FGF12: variants seen among roughly 807,000 people sequenced by gnomAD.
The protein encoded by FGF12 is fibroblast growth factor 12, also known as fibroblast growth factor 12B.
In FGF12, 14 loss-of-function variants were observed where a neutral mutation model predicts 23.6. The ratio of observed to expected loss-of-function variants is 0.59; its 90% CI spans 0.39 to 0.93. The LOEUF (loss-of-function observed/expected upper bound fraction) is 0.93, where lower values mean the gene tolerates loss of function less well. Ranked by LOEUF, FGF12 falls within the 40% of genes least tolerant of loss-of-function variation. The probability of loss-of-function intolerance (pLI) is 0.00; values close to 1 mark genes in which losing one functional copy is unlikely to be tolerated. For missense variants in FGF12, 175 were observed against 217.8 expected, an observed-to-expected ratio of 0.80 and a Z score of 1.24; for synonymous variants, 62 against 77.3, an observed-to-expected ratio of 0.80 and a Z score of 1.04.
chr3:192,348,070 C>T (rs980161471), intron 3 of FGF12, among the ~76,000 whole-genome samples: 1 of 152,038 alleles, frequency 6.6e-6, no homozygotes, highest in Non-Finnish European at 1.5e-5. Flanking sequence ...GGAAATGATC[C>T]CTGGTATATA....
chr3:192,603,482 C>G (rs1577074763), intron 2 of FGF12, among the ~76,000 whole-genome samples: 1 of 151,932 alleles, frequency 6.6e-6, no homozygotes, highest in Admixed American at 6.6e-5. Flanking sequence ...ATTGGGGGAA[C>G]CTGCCCCCAA....
intron 4 of FGF12, among the ~76,000 whole-genome samples, chr3:192,206,294 A>T (rs1717645655): frequency 6.6e-6 from 1 of 152,228 alleles, no homozygotes; most frequent in Non-Finnish European, 1.5e-5. Context: ...AAAGGATCAT[A>T]GATCATAGCT....
chr3:192,538,970 T>G (rs1314074120), intron 2 of FGF12, among the ~76,000 whole-genome samples: 1 of 152,254 alleles, frequency 6.6e-6, no homozygotes, highest in Non-Finnish European at 1.5e-5. Flanking sequence ...GAAATGTTAC[T>G]GATTTATGTA....
intron 2 of FGF12, among the ~76,000 whole-genome samples, chr3:192,439,530 T>G (rs1158215891): frequency 1.3e-5 from 2 of 152,226 alleles, no homozygotes; most frequent in Non-Finnish European, 2.9e-5. Flanking sequence ...GCTGAGCATT[T>G]CACTGGCTTG....
chr3:192,148,074 C>T (rs894447683), intron 5 of FGF12, among the ~76,000 whole-genome samples: 3 of 152,080 alleles, frequency 2.0e-5, no homozygotes, highest in Admixed American at 6.6e-5. Context: ...AAATTAAATA[C>T]GGATGTACCA....
intron 4 of FGF12, among the ~76,000 whole-genome samples, chr3:192,262,904 GGAGA>G (rs1409604899): frequency 6.6e-6 from 1 of 151,664 alleles, no homozygotes; most frequent in Non-Finnish European, 1.5e-5. Context: ...CTGCAGAAAG[GGAGA>G]GAGAAAGAAA....
intron 5 of FGF12, among the ~76,000 whole-genome samples, chr3:192,160,330 C>T (rs1245787716): frequency 6.6e-6 from 1 of 152,082 alleles, no homozygotes; most frequent in Non-Finnish European, 1.5e-5. Context: ...TCCTACCTTC[C>T]ATTCCTTTAA....
At chr3:192,322,549 G>A (rs1440690733) in intron 4 of FGF12, among the ~76,000 whole-genome samples, 6 of 150,922 alleles carry the variant, frequency 4.0e-5, no homozygotes, top group African/African-American at 1.5e-4. Context: ...GCTATCCTGG[G>A]CAAAAAAATT....
At position 192,141,127 on chromosome 3, in the gene FGF12, C is replaced by CAAAAAAAAAAAAAA. The variant is rs1396299359; in HGVS notation, c.*2881_*2882insTTTTTTTTTTTTTT. The CAAAAAAAAAAAAAA allele has an allele frequency of 8.5e-3, 186 of 21,844 alleles. 24 individuals are homozygous for CAAAAAAAAAAAAAA. The highest frequency in any genetic ancestry group is 9.5e-3 in the South Asian group (6 of 630). The allele number at this position is 21,844 out of a possible 1,614,324, so 1.4% of individuals were successfully genotyped here. On this transcript the variant is annotated 3_prime_UTR_variant, in exon 6 of 6. Coordinates refer to ENST00000445105, the MANE Select transcript of FGF12 (RefSeq NM_004113.6). ...TCCTGGGAAAAATCCCAATGCAACT[C>CAAAAAAAAAAAAAA]CAAAAAAAAAAAAAAAAAAAAAAAA... is the stretch of plus-strand genomic sequence containing the variant.
chr3:192,722,578 T>G (rs1719073044), intron 2 of FGF12, among the ~76,000 whole-genome samples: 1 of 152,184 alleles, frequency 6.6e-6, no homozygotes, highest in African/African-American at 2.4e-5. Context: ...CCTTCCATGT[T>G]CTGGAATCAC....
In FGF12 at chr3:192,336,773, CA is replaced by C. The variant is rs1717437211; in HGVS notation, c.125-1310del. On this transcript the variant is annotated intron_variant, in intron 3 of 5. Transcript: ENST00000445105. This position sits in a 1 kb window ranked among gnomAD's most constrained non-coding sequence, Gnocchi z 4.3. ...ATTTTTCTCGGCTTCTCTCAACCTACAATAGTAAGCTAAACACACACACATG... is the reference window on the plus strand; with the variant it reads ...ATTTTTCTCGGCTTCTCTCAACCTACATAGTAAGCTAAACACACACACATG... Among the ~76,000 whole-genome samples, 1 of 152,012 alleles carries C rather than the reference CA, an allele frequency of 6.6e-6. No homozygotes were observed. The highest frequency in any genetic ancestry group is 2.1e-4 in the South Asian group (1 of 4,826).
At chr3:192,624,949 C>T (rs1715109489) in intron 2 of FGF12, among the ~76,000 whole-genome samples, 1 of 152,102 alleles carries the variant, frequency 6.6e-6, no homozygotes, top group Non-Finnish European at 1.5e-5. Flanking sequence ...AAATAGGGTA[C>T]AGACTACTGT....
At chr3:192,623,073 C>T (rs1577084065) in intron 2 of FGF12, among the ~76,000 whole-genome samples, 1 of 152,304 alleles carries the variant, frequency 6.6e-6, no homozygotes, top group East Asian at 1.9e-4. Flanking sequence ...ATCAAATAAA[C>T]ATCAACCATG....
At chr3:192,567,674 T>C (rs928472865) in intron 2 of FGF12, among the ~76,000 whole-genome samples, 3 of 152,178 alleles carry the variant, frequency 2.0e-5, no homozygotes, top group Non-Finnish European at 4.4e-5. Context: ...CAGGCCTTCC[T>C]TGGCTTGTGG....
In FGF12 at chr3:192,719,799, AAAAAAG is replaced by A. The variant is rs1379463935; in HGVS notation, c.13+7376_13+7381del. Among the ~76,000 whole-genome samples the A allele has an allele frequency of 1.8e-4, 26 of 144,212 alleles. 1 individual carries two copies. The South Asian group carries it at 2.5e-3, about 14-fold the overall frequency. 94.6% of individuals were successfully genotyped at this position (144,212 alleles called of 152,430 possible). ...AGAGACTAAGGGCAAAAAAAAAAAAAAAAAAGAAAAACAAGAAAAACAACCCAACAC... is the reference window on the plus strand; with the variant it reads ...AGAGACTAAGGGCAAAAAAAAAAAAAAAAAACAAGAAAAACAACCCAACAC... On this transcript the variant is annotated intron_variant, in intron 2 of 5. Transcript: ENST00000445105.
At position 192,354,085 on chromosome 3, in the gene FGF12, T is replaced by G. The variant is rs534439658; in HGVS notation, c.124+6343A>C. 1.2e-4 allele frequency among the ~76,000 whole-genome samples: 18 copies of G among 152,344 alleles called. No homozygotes were observed. In the East Asian group the frequency reaches 3.3e-3, roughly 28 times the overall value. ...AAAACATCATATGTTTGGTATTGTA[T>G]AGAAAACATAACGAGTGACTAAACT... On this transcript the variant is annotated intron_variant, in intron 3 of 5. Coordinates refer to ENST00000445105, the MANE Select transcript of FGF12 (RefSeq NM_004113.6).
rs1359809449 is a variant in FGF12, at chr3:192,254,350, T to C, written c.228+81011A>G. ...TTTATGGTGTCAAAAATGACAGGAT[T>C]TCCCACTTTATTAAGGCTGAAGTGT... is the stretch of plus-strand genomic sequence containing the variant. On this transcript the variant is annotated intron_variant, in intron 4 of 5. Coordinates refer to ENST00000445105, the MANE Select transcript of FGF12 (RefSeq NM_004113.6). 3.9e-5 allele frequency among the ~76,000 whole-genome samples: 6 copies of C among 152,020 alleles called. No homozygotes were observed. In the East Asian group the frequency reaches 1.2e-3, roughly 29 times the overall value.
chr3:192,213,892 T>C (rs1414122256), intron 4 of FGF12, among the ~76,000 whole-genome samples: 1 of 152,254 alleles, frequency 6.6e-6, no homozygotes, highest in African/African-American at 2.4e-5. Context: ...TTGTGGAAGC[T>C]GTGGGCATTT....
At chr3:192,195,786 A>G (rs955167989) in intron 4 of FGF12, among the ~76,000 whole-genome samples, 9 of 151,998 alleles carry the variant, frequency 5.9e-5, no homozygotes, top group East Asian at 1.9e-4. Context: ...ACACACACGC[A>G]CACACACACA....
Sources: allele counts gnomAD v4.1 joint callset (sites outside exome capture counted in the v4.1 genomes callset), GRCh38; gene constraint gnomAD v4.1.1; non-coding constraint Gnocchi (gnomAD v3.1); transcripts MANE v1.5; gene names NCBI Gene and HGNC (gene_info 2026-07-23, HGNC 2026-07-21).